Variants in ANKH observed in about 807,000 individuals in gnomAD.
The protein encoded by ANKH is mineralization regulator ANKH.
Under a neutral mutation model 49.0 loss-of-function variants are expected in ANKH, and 15 were observed. The observed-to-expected ratio is 0.31, with a 90% CI of 0.20 to 0.47. The LOEUF (loss-of-function observed/expected upper bound fraction) is 0.47, where lower values mean the gene tolerates loss of function less well. Among genes scored for constraint, ANKH ranks in the 20% least tolerant of loss-of-function variants. The probability of loss-of-function intolerance (pLI) is 1.00; values close to 1 mark genes in which losing one functional copy is unlikely to be tolerated. For synonymous variants in ANKH, 273 were observed against 260.0 expected, an observed-to-expected ratio of 1.05 and a Z score of -0.48; for missense variants, 429 against 652.0, an observed-to-expected ratio of 0.66 and a Z score of 3.72.
intron 1 of ANKH, among the ~76,000 whole-genome samples, chr5:14,831,446 T>C (rs1741503868): frequency 6.6e-6 from 1 of 152,196 alleles, no homozygotes; most frequent in Admixed American, 6.5e-5. Flanking sequence ...TTGCTGTAGT[T>C]GAGTTCACTG....
At position 14,769,187 on chromosome 5, in the gene ANKH, A is replaced by G; in HGVS notation, c.101T>C (p.Leu34Ser). The G allele has an allele frequency of 6.2e-7, 1 of 1,612,240 alleles. No individual in the cohort carries two copies. Among genetic ancestry groups the G allele is most frequent in the Non-Finnish European group, 8.5e-7 (1 of 1,179,126 alleles). The change falls in exon 2 of 12, where the codon TTG (leucine) becomes TCG (serine). Residue 34 changes from leucine to serine, a missense_variant. This residue lies in a region of ANKH where 378 missense variants were observed against 615.3 expected (regional missense o/e 0.61). Coordinates refer to ENST00000284268, the MANE Select transcript of ANKH (RefSeq NM_054027.6). Reference protein sequence around the residue: ...NIAIDFGEQALNRGIAAVKED... With the variant: ...NIAIDFGEQASNRGIAAVKED... ...CTTGACAGCAGCAATGCCCCGGTTC[A>G]AGGCCTGGGAAGGGGGAAAAAAACC... is the stretch of plus-strand genomic sequence containing the variant.
Position 14,745,677 on chromosome 5 carries a change from C to T in ANKH, c.915+193G>A, listed in dbSNP as rs1233872630. On this transcript the variant is annotated intron_variant, in intron 7 of 11. Transcript: ENST00000284268. This position sits in a 1 kb window ranked among gnomAD's most constrained non-coding sequence, Gnocchi z 4.7. ...CTTTGGAAAAGCATCCTGGGATCAGCGTCAAAGGTAAGCTTCAACTTGCCC... is the reference window on the plus strand; with the variant it reads ...CTTTGGAAAAGCATCCTGGGATCAGTGTCAAAGGTAAGCTTCAACTTGCCC... Among the ~76,000 whole-genome samples the T allele has an allele frequency of 6.6e-6, 1 of 152,154 alleles. No individual in the cohort carries two copies. The highest frequency in any genetic ancestry group is 2.4e-5 in the African/African-American group (1 of 41,438).
chr5:14,738,144 G>C (rs1738244570), intron 8 of ANKH, among the ~76,000 whole-genome samples: 1 of 152,212 alleles, frequency 6.6e-6, no homozygotes, highest in African/African-American at 2.4e-5. Context: ...CCAACTTCTG[G>C]AGTAGGACAG....
chr5:14,716,783 T>C lies in ANKH; in HGVS notation c.1064A>G (p.Asp355Gly). The change falls in exon 9 of 12, where the codon GAC becomes GGC. Residue 355 changes from aspartate (D) to glycine (G), a missense_variant. Transcript: ENST00000284268. ...TPNVSEKILI[D>G]IIGVDFAFAE... ...AAAGGCAAAGTCCACTCCGATGATGTCTATCAAGATTTTCTCAGACACGTT... is the reference window on the plus strand; with the variant it reads ...AAAGGCAAAGTCCACTCCGATGATGCCTATCAAGATTTTCTCAGACACGTT... 6.2e-7 allele frequency: 1 copy of C among 1,614,152 alleles called. No homozygotes were observed. Among genetic ancestry groups the C allele is most frequent in the South Asian group, 1.1e-5 (1 of 91,082 alleles).
chr5:14,712,019 C>T (rs1737233374), intron 11 of ANKH, among the ~76,000 whole-genome samples: 1 of 152,228 alleles, frequency 6.6e-6, no homozygotes, highest in African/African-American at 2.4e-5. Context: ...GTCCTGTCTC[C>T]CCTCTTTCCT....
chr5:14,810,840 C>T (rs530562549), intron 1 of ANKH, among the ~76,000 whole-genome samples: 4 of 152,276 alleles, frequency 2.6e-5, no homozygotes, highest in South Asian at 2.1e-4. Flanking sequence ...TCAAACCTTA[C>T]GAATCATTGT....
chr5:14,789,895 A>T (rs1740106718), intron 1 of ANKH, among the ~76,000 whole-genome samples: 1 of 152,124 alleles, frequency 6.6e-6, no homozygotes, highest in Admixed American at 6.5e-5. Context: ...TTTTTAGTAG[A>T]GATTGGGTTT....
chr5:14,711,131 G>A lies in ANKH; in HGVS notation c.*66C>T. 1 of 1,298,370 alleles carries A rather than the reference G, an allele frequency of 7.7e-7. No homozygotes were observed. The highest frequency in any genetic ancestry group is 1.2e-5 in the South Asian group (1 of 84,864). The allele number at this position is 1,298,370 out of a possible 1,614,324, so 80.4% of individuals were successfully genotyped here. Reference sequence around the variant, plus strand: ...AAGGGAACAAAATACGATGGGAGAGGGAAGAGATGATGCCGAAGTGTCATC... The same window carrying A: ...AAGGGAACAAAATACGATGGGAGAGAGAAGAGATGATGCCGAAGTGTCATC... On this transcript the variant is annotated 3_prime_UTR_variant, in exon 12 of 12. Transcript: ENST00000284268.
chr5:14,721,513 C>T (rs1321998490), intron 8 of ANKH, among the ~76,000 whole-genome samples: 4 of 152,238 alleles, frequency 2.6e-5, no homozygotes, highest in Non-Finnish European at 5.9e-5. Flanking sequence ...CTCTGAAGCT[C>T]TTGCTATGCT....
intron 1 of ANKH, among the ~76,000 whole-genome samples, chr5:14,786,929 T>G (rs1739996440): frequency 6.6e-6 from 1 of 152,110 alleles, no homozygotes; most frequent in South Asian, 2.1e-4. Flanking sequence ...TCCACCAACA[T>G]AGGAAAGGTT....
Position 14,755,075 on chromosome 5 carries a change from A to T in ANKH, c.516+786T>A, listed in dbSNP as rs1215723064. ...AAACTCTGTCTCAAAAAAAAAAAAA[A>T]AAAGACATGAGAATTTGGAAAGGCA... On this transcript the variant is annotated intron_variant, in intron 4 of 11. Transcript: ENST00000284268. Among the ~76,000 whole-genome samples, 3 of 152,168 alleles carry T rather than the reference A, an allele frequency of 2.0e-5. No individual in the cohort carries two copies. In the East Asian group the frequency reaches 5.8e-4, roughly 29 times the overall value.
At chr5:14,746,289 C>T (rs76643799) in intron 6 of ANKH, among the ~76,000 whole-genome samples, 1 of 129,156 alleles carries the variant, frequency 7.7e-6, no homozygotes, top group African/African-American at 3.4e-5. Flanking sequence ...AGCCAAGATT[C>T]CTTTTTTTTT....
At chr5:14,814,206 G>A (rs548521389) in intron 1 of ANKH, among the ~76,000 whole-genome samples, 1 of 152,314 alleles carries the variant, frequency 6.6e-6, no homozygotes, top group Admixed American at 6.5e-5. Context: ...TTTGTCGTTA[G>A]TTATTTATCT....
chr5:14,822,716 T>G (rs916349985), intron 1 of ANKH, among the ~76,000 whole-genome samples: 1 of 152,226 alleles, frequency 6.6e-6, no homozygotes, highest in Admixed American at 6.5e-5. Flanking sequence ...CATTTGTCCT[T>G]TTCTTATGCT....
chr5:14,706,476 G>A lies in ANKH; in HGVS notation c.*4721C>T, dbSNP rs537008948. The A allele has an allele frequency of 6.6e-6, 1 of 152,298 alleles. No individual in the cohort carries two copies. The highest frequency in any genetic ancestry group is 2.1e-4 in the South Asian group (1 of 4,828). 9.4% of individuals were successfully genotyped at this position (152,298 alleles called of 1,614,324 possible). A position where few individuals can be genotyped will look rare whatever the true frequency, so the allele number is the denominator to read the frequency against. ...AAAGTTGCAAGTTAATAGATTTAAT[G>A]TCCACTCTTGAGAAGAAAATAAAGT... On this transcript the variant is annotated 3_prime_UTR_variant, in exon 12 of 12. Coordinates refer to ENST00000284268, the MANE Select transcript of ANKH (RefSeq NM_054027.6).
At chr5:14,801,151 T>A (rs571978051) in intron 1 of ANKH, among the ~76,000 whole-genome samples, 17 of 152,356 alleles carry the variant, frequency 1.1e-4, no homozygotes, top group African/African-American at 4.1e-4. Context: ...CCTATATAAT[T>A]TGATGTACAT....
chr5:14,847,471 G>A (rs1741997390), intron 1 of ANKH, among the ~76,000 whole-genome samples: 1 of 152,190 alleles, frequency 6.6e-6, no homozygotes, highest in Non-Finnish European at 1.5e-5. Flanking sequence ...AAGGTCCCAG[G>A]GCTGCCCAGC....
intron 1 of ANKH, among the ~76,000 whole-genome samples, chr5:14,862,636 A>C (rs903848784): frequency 2.6e-5 from 4 of 152,218 alleles, no homozygotes; most frequent in Non-Finnish European, 5.9e-5. Flanking sequence ...TCATGTCCAC[A>C]GACTTACTGC....
chr5:14,752,173 C>T (rs573567137), intron 4 of ANKH, among the ~76,000 whole-genome samples: 1 of 152,108 alleles, frequency 6.6e-6, no homozygotes, highest in South Asian at 2.1e-4. Flanking sequence ...AGCCAGGTGT[C>T]GTGGTGCACA....
Sources: allele counts gnomAD v4.1 joint callset (sites outside exome capture counted in the v4.1 genomes callset), GRCh38; gene constraint gnomAD v4.1.1; regional missense constraint gnomAD v4.1.1; non-coding constraint Gnocchi (gnomAD v3.1); transcripts MANE v1.5; gene names NCBI Gene and HGNC (gene_info 2026-07-23, HGNC 2026-07-21).